Variants in SIGLEC1 observed in about 807,000 individuals in gnomAD.
SIGLEC1 encodes sialic acid binding Ig like lectin 1.
Under a neutral mutation model 148.0 loss-of-function variants are expected in SIGLEC1, and 132 were observed. The observed-to-expected ratio is 0.89, with a 90% confidence interval of 0.77 to 1.03. The LOEUF is 1.03. Among genes scored for constraint, SIGLEC1 ranks in the 50% least tolerant of loss-of-function variants. The pLI is 0.00. For missense variants in SIGLEC1, 2,253 were observed against 2,271.4 expected (o/e 0.99, Z 0.16); for synonymous variants, 945 against 969.0 (o/e 0.98, Z 0.46).
chr20:3,693,492 C>G lies in SIGLEC1; in HGVS notation c.3463G>C (p.Gly1155Arg). 4.4e-6 allele frequency: 7 copies of G among 1,605,776 alleles called. No homozygotes were observed. The highest frequency in any genetic ancestry group is 6.0e-6 in the Non-Finnish European group (7 of 1,175,308). Residue 1155 changes from glycine to arginine, a missense_variant, in exon 14 of 22, where the codon GGT becomes CGT. Coordinates refer to ENST00000344754, the MANE Select transcript of SIGLEC1 (RefSeq NM_023068.4). ...GGTCTGGAGAGGCGGGGTGCCCGAC[C>G]AGGGGGGCCCACACCGCAGCGGTAG... is the stretch of plus-strand genomic sequence containing the variant. ...TSYRCGVGPP[G>R]RAPRLSRPIT...
chr20:3,706,768 G>C, intron 2 of SIGLEC1, 62 bp from the exon 3 acceptor site: 1 of 1,468,818 alleles, frequency 6.8e-7, no homozygotes. Context: ...GTGCCACAGA[G>C]CCCTGCGACC....
In SIGLEC1 at chr20:3,694,639, C is replaced by T. The variant is rs75732377; in HGVS notation, c.2944+24G>A. 4.2e-3 allele frequency: 6,684 copies of T among 1,598,712 alleles called. 222 individuals are homozygous for T. In the African/African-American group the frequency reaches 0.077, roughly 18 times the overall value. ...GGGGGACTGCATTCCTTCCCCCACA[C>T]CTGGATGGGACAAAAGTCCTTACAG... On this transcript the variant is annotated intron_variant, in intron 12 of 21. Coordinates refer to ENST00000344754, the MANE Select transcript of SIGLEC1 (RefSeq NM_023068.4).
Position 3,701,370 on chromosome 20 carries a change from T to G in SIGLEC1, c.1500A>C (p.Ala500=). 1 of 1,613,486 alleles carries G rather than the reference T, an allele frequency of 6.2e-7. No homozygotes were observed. Among genetic ancestry groups the G allele is most frequent in the Non-Finnish European group, 8.5e-7 (1 of 1,179,504 alleles). The change falls in exon 7 of 22, where the codon GCA becomes GCC. Residue 500 remains alanine, a synonymous_variant. Coordinates refer to ENST00000344754, the MANE Select transcript of SIGLEC1 (RefSeq NM_023068.4). ...TGGCATGGAAGTCCAGGGTGGAGGT[T>G]GCATTTCCAAGGGAGTTGGTGGCTG... ...KCSATNSLGN[A]TSTLDFHANA...
At chr20:3,691,717 T>C in intron 17 of SIGLEC1, 117 bp from the exon 18 acceptor site, 2 of 1,413,928 alleles carry the variant, frequency 1.4e-6, no homozygotes, top group African/African-American at 2.8e-5. Context: ...TCTGACTTGG[T>C]ATAGGGCTTT....
Position 3,701,516 on chromosome 20 carries a change from G to A in SIGLEC1, c.1354C>T (p.Leu452=). The A allele has an allele frequency of 4.3e-6, 7 of 1,614,028 alleles. No homozygotes were observed. The highest frequency in any genetic ancestry group is 5.9e-6 in the Non-Finnish European group (7 of 1,180,016). The change falls in exon 7 of 22, where the codon CTG becomes TTG. Residue 452 remains leucine, a synonymous_variant. Transcript: ENST00000344754. ...TCACTGTCCCCGGAGGTGGAGGCCAGGATATGACCCCCATGTGACAGCACC... is the reference window on the plus strand; with the variant it reads ...TCACTGTCCCCGGAGGTGGAGGCCAAGATATGACCCCCATGTGACAGCACC... ...TLVLSHGGHI[L]ASTSGDSDHS...
rs1346177415 is a variant in SIGLEC1 at position 3,694,474 on chromosome 20, G to A, written c.3003C>T (p.Gly1001=). 2.5e-6 allele frequency: 4 copies of A among 1,598,572 alleles called. No individual in the cohort carries two copies. The highest frequency in any genetic ancestry group is 3.4e-6 in the Non-Finnish European group (4 of 1,170,432). ...CACTGTCCACACGGCACAGGAGGAGGCCCAGTCGTCCAGGGCCTGTGTCCA... is the reference window on the plus strand; with the variant it reads ...CACTGTCCACACGGCACAGGAGGAGACCCAGTCGTCCAGGGCCTGTGTCCA... ...TLMDTGPGRL[G]LLLCRVDSDP... is the part of the protein sequence containing the mutation. The change falls in exon 13 of 22, where the codon GGC becomes GGT. Residue 1001 remains glycine, a synonymous_variant. Coordinates refer to ENST00000344754, the MANE Select transcript of SIGLEC1 (RefSeq NM_023068.4).
intron 21 of SIGLEC1, 162 bp downstream of exon 21, chr20:3,688,993 A>AG (rs1395399917): frequency 1.4e-6 from 1 of 695,272 alleles, no homozygotes; most frequent in Non-Finnish European, 2.6e-6. Context: ...CGAGCAGAAC[A>AG]GGGCTCTCCT....
intron 8 of SIGLEC1, among the ~76,000 whole-genome samples, chr20:3,698,347 A>G (rs991669100): frequency 6.6e-6 from 1 of 152,218 alleles, no homozygotes; most frequent in Admixed American, 6.5e-5. Context: ...CCTGATGCCT[A>G]CTGAGTCTTC....
Position 3,691,587 on chromosome 20 carries a change from C to T in SIGLEC1, c.4344G>A (p.Val1448=), listed in dbSNP as rs2088763712. ...GRLQVEGARV[V]AEPGLDVPEG... ...CAGGCACGTCCAGGCCAGGCTCTGCCACCACGCGTGCACCTGCGGGCGGAG... is the reference window on the plus strand; with the variant it reads ...CAGGCACGTCCAGGCCAGGCTCTGCTACCACGCGTGCACCTGCGGGCGGAG... Residue 1448 remains valine, a synonymous_variant, in exon 18 of 22, where the codon GTG becomes GTA. Transcript: ENST00000344754. 1 of 1,612,116 alleles carries T rather than the reference C, an allele frequency of 6.2e-7. No homozygotes were observed. The highest frequency in any genetic ancestry group is 2.2e-5 in the East Asian group (1 of 44,876).
At position 3,706,387 on chromosome 20, in the gene SIGLEC1, G is replaced by A. The variant is rs1188971931; in HGVS notation, c.369C>T (p.Asn123=). The change falls in exon 3 of 22, where the codon AAC becomes AAT. Residue 123 remains asparagine (N), a synonymous_variant. Transcript: ENST00000344754. The part of the protein sequence containing the change: ...YNFRFEISEV[N]RWSDVKGTLV... ...AGGTGCCTTTCACATCTGACCAGCG[G>A]TTGACCTCACTGATCTCGAAGCGGA... 6.2e-7 allele frequency: 1 copy of A among 1,613,818 alleles called. No individual in the cohort carries two copies. Among genetic ancestry groups the A allele is most frequent in the Non-Finnish European group, 8.5e-7 (1 of 1,179,960 alleles).
intron 9 of SIGLEC1, among the ~76,000 whole-genome samples, 191 bp from the exon 10 acceptor site, chr20:3,697,533 G>A (rs867161596): frequency 6.6e-6 from 1 of 152,142 alleles, no homozygotes; most frequent in Non-Finnish European, 1.5e-5. Flanking sequence ...TGGGCAGAGA[G>A]GGTTGCAGTA....
rs2088783001 is a variant in SIGLEC1 at position 3,693,115 on chromosome 20, C to T, written c.3525G>A (p.Leu1175=). The change falls in exon 15 of 22, where the codon CTG becomes CTA. Residue 1175 remains leucine (L), a synonymous_variant. Transcript: ENST00000344754. ...GGCTCTCCAGGAGGTAGGTCAGGCG[C>T]AGGTTGCGGGGCGCGTCTGCAGGGC... ...TLDVLYAPRN[L]RLTYLLESHG... is the part of the protein sequence containing the mutation. The T allele has an allele frequency of 5.7e-6, 9 of 1,572,580 alleles. No homozygotes were observed. The highest frequency in any genetic ancestry group is 7.7e-6 in the Non-Finnish European group (9 of 1,163,562).
At chr20:3,699,137 G>A (rs781547964) in intron 8 of SIGLEC1, 65 bp downstream of exon 8, 2 of 1,565,478 alleles carry the variant, frequency 1.3e-6, no homozygotes, top group Admixed American at 1.8e-5. Flanking sequence ...GGGCTGGGGG[G>A]CCTAGAGGAG....
intron 9 of SIGLEC1, 142 bp downstream of exon 9, chr20:3,697,656 G>A (rs1046273100): frequency 3.3e-5 from 25 of 763,134 alleles, no homozygotes; most frequent in African/African-American, 1.1e-4. Flanking sequence ...GAGCAGCTCC[G>A]CTCTTCCTGA....
intron 7 of SIGLEC1, 152 bp downstream of exon 7, chr20:3,701,190 G>A (rs992623550): frequency 1.8e-5 from 12 of 665,420 alleles, no homozygotes; most frequent in South Asian, 4.7e-5. Context: ...AAGCTCTGCC[G>A]TTGGGTCACT....
rs745472020 is a variant in SIGLEC1, at chr20:3,705,864, C to G, written c.586G>C (p.Val196Leu). The change falls in exon 4 of 22, where the codon GTC (valine) becomes CTC (leucine). Residue 196 changes from valine (V) to leucine (L), a missense_variant. Transcript: ENST00000344754. ...FNSQKFEPTG[V>L]GHLETLHMAM... ...ATGTGGAGGGTCTCCAGGTGGCCGA[C>G]GCCGGTGGGCTCAAACTTCTGGCTG... 1.2e-6 allele frequency: 2 copies of G among 1,614,024 alleles called. No homozygotes were observed. Among genetic ancestry groups the G allele is most frequent in the African/African-American group, 2.7e-5 (2 of 74,960 alleles).
At position 3,706,548 on chromosome 20, in the gene SIGLEC1, C is replaced by G. The variant is rs762400380; in HGVS notation, c.208G>C (p.Val70Leu). 6.2e-7 allele frequency: 1 copy of G among 1,612,660 alleles called. No homozygotes were observed. Among genetic ancestry groups the G allele is most frequent in the Admixed American group, 1.7e-5 (1 of 59,972 alleles). ...YYDYSGQRQV[V>L]SHSADPKLVE... ...AGCTTGGGGTCCGCCGAGTGGCTCA[C>G]CACCTGCCGCTGGCCCGAGTAGTCG... is the stretch of plus-strand genomic sequence containing the variant. The change falls in exon 3 of 22, where the codon GTG becomes CTG. Residue 70 changes from valine to leucine, a missense_variant. Val to Leu is a conservative substitution (Grantham distance 32). Coordinates refer to ENST00000344754, the MANE Select transcript of SIGLEC1 (RefSeq NM_023068.4).
intron 11 of SIGLEC1, among the ~76,000 whole-genome samples, chr20:3,696,167 C>CAT (rs1600283632): frequency 6.6e-6 from 1 of 151,100 alleles, no homozygotes; most frequent in Non-Finnish European, 1.5e-5. Flanking sequence ...CACACACACA[C>CAT]GTATGTGTAT....
rs149852645 is a variant in SIGLEC1, at chr20:3,693,572, C to T, written c.3383G>A (p.Arg1128His). ...CAGGGGGATGGAGTGGGCATCCAGG[C>T]GCTGCTGCCCATCCTGGTACCATGT... ...TYTWYQDGQQ[R>H]LDAHSIPLPN... Residue 1128 changes from arginine to histidine, a missense_variant, in exon 14 of 22, where the codon CGC (arginine) becomes CAC (histidine). By Grantham distance (29) the Arg-to-His change is conservative (BLOSUM62 0). Transcript: ENST00000344754. The T allele has an allele frequency of 2.7e-5, 43 of 1,612,590 alleles. No individual in the cohort carries two copies. The highest frequency in any genetic ancestry group is 5.5e-5 in the South Asian group (5 of 90,896).
Sources: allele counts gnomAD v4.1 joint callset (sites outside exome capture counted in the v4.1 genomes callset), GRCh38; gene constraint gnomAD v4.1.1; transcripts MANE v1.5; gene names NCBI Gene and HGNC (gene_info 2026-07-23, HGNC 2026-07-21).